KCNIP4: variants seen among roughly 807,000 people sequenced by gnomAD.
KCNIP4 encodes the protein Kv channel-interacting protein 4.
In KCNIP4, 12 loss-of-function variants were observed where a neutral mutation model predicts 34.0. The observed-to-expected ratio is 0.35, with a 90% CI of 0.23 to 0.57. KCNIP4 has a LOEUF of 0.57. Ranked by LOEUF, KCNIP4 falls within the 20% of genes least tolerant of loss-of-function variation. The probability of loss-of-function intolerance (pLI) is 0.83; values close to 1 mark genes in which losing one functional copy is unlikely to be tolerated. For missense variants in KCNIP4, 238 were observed against 311.7 expected (o/e 0.76, Z 1.78); for synonymous variants, 124 against 102.2 (o/e 1.21, Z -1.29).
At chr4:21,524,014 A>G (rs1457010642) in intron 1 of KCNIP4, among the ~76,000 whole-genome samples, 1 of 152,134 alleles carries the variant, frequency 6.6e-6, no homozygotes. Flanking sequence ...TTTCTTTGCC[A>G]ACATTTTTTC....
chr4:20,743,923 A>G (rs1448790683), intron 5 of KCNIP4, among the ~76,000 whole-genome samples: 1 of 150,876 alleles, frequency 6.6e-6, no homozygotes, highest in African/African-American at 2.5e-5. Context: ...TTTACAAGAA[A>G]AAAAAAAACC....
At chr4:21,788,876 C>G (rs112314409) in intron 1 of KCNIP4, among the ~76,000 whole-genome samples, 1 of 151,668 alleles carries the variant, frequency 6.6e-6, no homozygotes, top group Non-Finnish European at 1.5e-5. Flanking sequence ...AGATCAAGAC[C>G]ATCCTGGACA....
intron 1 of KCNIP4, among the ~76,000 whole-genome samples, chr4:21,026,303 C>G (rs866303617): frequency 3.3e-5 from 5 of 152,094 alleles, no homozygotes; most frequent in East Asian, 1.9e-4. Flanking sequence ...GGTTCCAGCT[C>G]TCGTTATTAT....
chr4:20,767,881 C>G (rs1257460483), intron 3 of KCNIP4, among the ~76,000 whole-genome samples: 3 of 152,174 alleles, frequency 2.0e-5, no homozygotes, highest in Non-Finnish European at 4.4e-5. Context: ...TTTCATGATA[C>G]CTGTAATGCC....
At chr4:21,943,957 T>C (rs1471746054) in intron 1 of KCNIP4, among the ~76,000 whole-genome samples, 2 of 43,302 alleles carry the variant, frequency 4.6e-5, no homozygotes, top group Non-Finnish European at 9.2e-5. Flanking sequence ...AGACTCTTGC[T>C]TTTTTTTTTT....
chr4:21,690,405 G>C (rs1046686450), intron 1 of KCNIP4, among the ~76,000 whole-genome samples: 2 of 152,098 alleles, frequency 1.3e-5, no homozygotes, highest in African/African-American at 2.4e-5. Context: ...GCTAGTGGGA[G>C]TTGTTTGGAT....
intron 1 of KCNIP4, among the ~76,000 whole-genome samples, chr4:21,226,007 T>G (rs1005794104): frequency 6.6e-6 from 1 of 151,864 alleles, no homozygotes; most frequent in Non-Finnish European, 1.5e-5. Flanking sequence ...CTAACATTTA[T>G]AGGACATGGT....
At chr4:21,515,910 T>C (rs2109934449) in intron 1 of KCNIP4, among the ~76,000 whole-genome samples, 1 of 152,164 alleles carries the variant, frequency 6.6e-6, no homozygotes, top group East Asian at 1.9e-4. Context: ...TTTCTGTTCC[T>C]TATACATTAC....
intron 1 of KCNIP4, among the ~76,000 whole-genome samples, chr4:21,130,832 T>C (rs999109477): frequency 1.3e-5 from 2 of 152,196 alleles, no homozygotes; most frequent in African/African-American, 2.4e-5. Flanking sequence ...CAAAGAAATG[T>C]ATAGATAATC....
chr4:20,888,475 T>C (rs564915310), intron 1 of KCNIP4, among the ~76,000 whole-genome samples: 1 of 152,144 alleles, frequency 6.6e-6, no homozygotes, highest in Non-Finnish European at 1.5e-5. Flanking sequence ...AATAGATAGC[T>C]GTGTGTGAAG....
At chr4:21,253,302 G>A (rs140739498) in intron 1 of KCNIP4, among the ~76,000 whole-genome samples, 294 of 152,232 alleles carry the variant, frequency 1.9e-3, no homozygotes, top group African/African-American at 6.9e-3. Context: ...TAGCCAACAG[G>A]TATAAAATGT....
chr4:21,715,324 G>T (rs1426518805), intron 1 of KCNIP4, among the ~76,000 whole-genome samples: 2 of 152,046 alleles, frequency 1.3e-5, no homozygotes, highest in South Asian at 2.1e-4. Context: ...TAGACACGGG[G>T]TTTCACCGTG....
intron 1 of KCNIP4, among the ~76,000 whole-genome samples, chr4:21,104,901 T>C (rs1475944520): frequency 2.6e-5 from 4 of 151,602 alleles, no homozygotes; most frequent in Non-Finnish European, 4.4e-5. Flanking sequence ...GATCAGATGG[T>C]TGTAGATGTG....
intron 1 of KCNIP4, among the ~76,000 whole-genome samples, chr4:21,570,234 A>G (rs1303085233): frequency 1.3e-5 from 2 of 152,170 alleles, no homozygotes; most frequent in Non-Finnish European, 2.9e-5. Context: ...GGTGGTGGAT[A>G]GCGGTAGGAC....
At chr4:21,299,496 G>T (rs1764037494) in intron 1 of KCNIP4, among the ~76,000 whole-genome samples, 1 of 152,108 alleles carries the variant, frequency 6.6e-6, no homozygotes, top group African/African-American at 2.4e-5. Flanking sequence ...GGTGTAAAAA[G>T]ATTGTATGTT....
chr4:20,835,462 T>TA (rs1049852719), intron 3 of KCNIP4, among the ~76,000 whole-genome samples: 33 of 152,126 alleles, frequency 2.2e-4, no homozygotes, highest in African/African-American at 6.5e-4. Flanking sequence ...ATTATTATTT[T>TA]AAAAAAACCT....
At chr4:21,107,807 T>A (rs1436031580) in intron 1 of KCNIP4, among the ~76,000 whole-genome samples, 5 of 151,390 alleles carry the variant, frequency 3.3e-5, no homozygotes, top group Admixed American at 2.0e-4. Flanking sequence ...GGTGACAAAA[T>A]CTCTCAGCAT....
intron 3 of KCNIP4, among the ~76,000 whole-genome samples, chr4:20,821,595 C>T (rs1398285868): frequency 1.3e-5 from 2 of 152,062 alleles, no homozygotes; most frequent in South Asian, 4.1e-4. Flanking sequence ...GAGCAGTGTA[C>T]ACTGTACTCA....
At chr4:21,926,503 T>G (rs1349427061) in intron 1 of KCNIP4, among the ~76,000 whole-genome samples, 4 of 152,220 alleles carry the variant, frequency 2.6e-5, no homozygotes, top group African/African-American at 4.8e-5. Context: ...ACCCTCATAA[T>G]CACCATGACC....
Sources: gnomAD v4.1 joint callset for allele counts (sites outside exome capture counted in the v4.1 genomes callset) on GRCh38, gnomAD v4.1.1 for gene constraint, MANE v1.5 for transcripts, NCBI Gene and HGNC (gene_info 2026-07-23, HGNC 2026-07-21) for gene names.